LRRC69: variants seen among roughly 807,000 people sequenced by gnomAD.
The protein encoded by LRRC69 is leucine rich repeat containing 69.
A neutral mutation model predicts 37.8 loss-of-function variants in LRRC69; 42 were observed. The observed-to-expected ratio is 1.11, with a 90% confidence interval of 0.87 to 1.44. The LOEUF (loss-of-function observed/expected upper bound fraction) is 1.44, where lower values mean the gene tolerates loss of function less well. Ranked by LOEUF, LRRC69 falls within the 40% of genes most tolerant of loss-of-function variation. The pLI is 0.00. For missense variants in LRRC69, 357 were observed against 401.9 expected (o/e 0.89, Z 0.96); for synonymous variants, 141 against 143.1 (o/e 0.99, Z 0.11).
chr8:91,137,937 G>A (rs924759104), intron 5 of LRRC69, among the ~76,000 whole-genome samples: 10 of 152,060 alleles, frequency 6.6e-5, no homozygotes, highest in Non-Finnish European at 1.0e-4. Flanking sequence ...ACACAGTAGT[G>A]TAGACATGAA....
intron 6 of LRRC69, among the ~76,000 whole-genome samples, chr8:91,192,601 G>A (rs900196037): frequency 3.3e-5 from 5 of 151,990 alleles, no homozygotes; most frequent in Admixed American, 2.0e-4. Context: ...GGCCAGTGAT[G>A]ATGAGCATTT....
intron 6 of LRRC69, among the ~76,000 whole-genome samples, chr8:91,193,412 G>A (rs2130616203): frequency 7.1e-6 from 1 of 141,594 alleles, no homozygotes. Context: ...GATGGGGATG[G>A]CATTGAATCT....
At chr8:91,161,394 A>C (rs1304493463) in intron 5 of LRRC69, among the ~76,000 whole-genome samples, 2 of 151,372 alleles carry the variant, frequency 1.3e-5, no homozygotes, top group African/African-American at 4.8e-5. Flanking sequence ...GTTTGATAGA[A>C]TTTAGCAGTG....
At chr8:91,139,385 C>CA (rs1052752320) in intron 5 of LRRC69, among the ~76,000 whole-genome samples, 4 of 151,802 alleles carry the variant, frequency 2.6e-5, no homozygotes, top group Non-Finnish European at 4.4e-5. Flanking sequence ...ACTAAAAATA[C>CA]AAAAAAATTA....
chr8:91,218,711 T>C (rs1810103749), intron 7 of LRRC69, among the ~76,000 whole-genome samples, 179 bp from the exon 8 acceptor site: 1 of 152,160 alleles, frequency 6.6e-6, no homozygotes, highest in South Asian at 2.1e-4. Context: ...TTGAGTATGA[T>C]TTTCTTAGCT....
At chr8:91,143,917 C>T (rs1400763780) in intron 5 of LRRC69, among the ~76,000 whole-genome samples, 1 of 151,918 alleles carries the variant, frequency 6.6e-6, no homozygotes, top group Non-Finnish European at 1.5e-5. Context: ...ATTGTGTGAC[C>T]TTGGAGAGGT....
intron 6 of LRRC69, among the ~76,000 whole-genome samples, chr8:91,195,093 T>C (rs367657464): frequency 5.3e-5 from 8 of 152,176 alleles, no homozygotes; most frequent in Admixed American, 4.6e-4. Flanking sequence ...GCCTTCATTT[T>C]GTTATGTACC....
intron 7 of LRRC69, among the ~76,000 whole-genome samples, 192 bp from the exon 8 acceptor site, chr8:91,218,698 C>A (rs1810103458): frequency 6.6e-6 from 1 of 152,050 alleles, no homozygotes; most frequent in African/African-American, 2.4e-5. Flanking sequence ...TTTTGTTTAG[C>A]ATTTGAGTAT....
At position 91,160,210 on chromosome 8, in the gene LRRC69, G is replaced by A. The variant is rs528831191; in HGVS notation, c.651+24471G>A. Among the ~76,000 whole-genome samples, 3 of 150,104 alleles carry A rather than the reference G, an allele frequency of 2.0e-5. No individual in the cohort carries two copies. The South Asian group carries it at 6.3e-4, about 31-fold the overall frequency. ...ATTACTGGTTTATAGAATCACTACT[G>A]ATTTTTGTTTGGTTGATTTTGTATC... On this transcript the variant is annotated intron_variant, in intron 5 of 7. Coordinates refer to ENST00000448384, the Ensembl canonical transcript of LRRC69.
intron 5 of LRRC69, among the ~76,000 whole-genome samples, chr8:91,143,792 A>G (rs539433569): frequency 3.6e-4 from 55 of 150,984 alleles, no homozygotes; most frequent in Non-Finnish European, 6.8e-4. Flanking sequence ...ACACAGGAGG[A>G]AAAAAAAATG....
At chr8:91,209,463 AT>A (rs1809865448) in intron 7 of LRRC69, 3 of 152,290 alleles carry the variant, frequency 2.0e-5, no homozygotes, top group African/African-American at 4.8e-5. Context: ...AAATAAATAA[AT>A]AAATAAAAAA....
At chr8:91,161,108 G>T (rs754835335) in intron 5 of LRRC69, among the ~76,000 whole-genome samples, 4 of 151,184 alleles carry the variant, frequency 2.6e-5, no homozygotes, top group Non-Finnish European at 5.9e-5. Context: ...TTACTTATTA[G>T]CATATATTGA....
At chr8:91,127,834 C>CA (rs1466335898) in intron 3 of LRRC69, among the ~76,000 whole-genome samples, 1 of 151,914 alleles carries the variant, frequency 6.6e-6, no homozygotes, top group African/African-American at 2.4e-5. Context: ...AGAGCAGCAT[C>CA]CAGGGTTTTA....
intron 1 of LRRC69, 123 bp from the exon 2 acceptor site, chr8:91,124,370 G>A (rs1245942963): frequency 3.1e-6 from 2 of 650,854 alleles, no homozygotes; most frequent in Non-Finnish European, 4.6e-6. Context: ...TGAAATAATT[G>A]TTTAAAAATA....
intron 5 of LRRC69, among the ~76,000 whole-genome samples, chr8:91,147,292 ATATAT>A (rs1401117769): frequency 2.0e-5 from 3 of 147,550 alleles, no homozygotes; most frequent in Non-Finnish European, 4.5e-5. Context: ...TAAACATATT[ATATAT>A]TATATATATT....
chr8:91,104,115 G>A (rs1407025310), intron 1 of LRRC69, among the ~76,000 whole-genome samples: 1 of 151,686 alleles, frequency 6.6e-6, no homozygotes, highest in African/African-American at 2.4e-5. Flanking sequence ...TGTATCTATT[G>A]TGTATTGATC....
At chr8:91,119,489 C>T (rs1813578363) in intron 1 of LRRC69, among the ~76,000 whole-genome samples, 1 of 152,032 alleles carries the variant, frequency 6.6e-6, no homozygotes, top group Admixed American at 6.6e-5. Flanking sequence ...CTCCAAGCTA[C>T]ATTCTTGGTT....
intron 1 of LRRC69, among the ~76,000 whole-genome samples, chr8:91,107,740 T>C (rs112468898): frequency 2.6e-5 from 4 of 152,166 alleles, no homozygotes; most frequent in South Asian, 2.1e-4. Flanking sequence ...CTAGTGAAGC[T>C]CTGGAAAATT....
At chr8:91,206,684 C>G in intron 7 of LRRC69, 2 of 1,289,282 alleles carry the variant, frequency 1.6e-6, no homozygotes, top group African/African-American at 1.5e-5. Flanking sequence ...TTTCATGTCT[C>G]TCTTTCAGAA....
Sources: gnomAD v4.1 joint callset for allele counts (sites outside exome capture counted in the v4.1 genomes callset) on GRCh38, gnomAD v4.1.1 for gene constraint, MANE v1.5 for transcripts, NCBI Gene and HGNC (gene_info 2026-07-23, HGNC 2026-07-21) for gene names.